Variants in ANXA4 observed in about 807,000 individuals in gnomAD.
ANXA4 encodes the protein annexin A4, also known as 35-beta calcimedin.
ANXA4 carries 39 observed loss-of-function variants against 49.8 expected under a neutral mutation model. That is an observed-to-expected ratio of 0.78 (90% CI 0.61 to 1.02). The LOEUF is 1.02. Among genes scored for constraint, ANXA4 ranks in the 50% least tolerant of loss-of-function variants. The probability of loss-of-function intolerance (pLI) is 0.00; values close to 1 mark genes in which losing one functional copy is unlikely to be tolerated. For missense variants in ANXA4, 360 were observed against 410.1 expected (o/e 0.88, Z 1.05); for synonymous variants, 134 against 152.5 (o/e 0.88, Z 0.89).
chr2:69,751,093 T>C (rs1410074163), intron 1 of ANXA4, among the ~76,000 whole-genome samples: 1 of 152,184 alleles, frequency 6.6e-6, no homozygotes, highest in Non-Finnish European at 1.5e-5. Flanking sequence ...TCATTGCCAA[T>C]GTAAATGAGG....
chr2:69,823,662 G>C (rs945053860), intron 12 of ANXA4, among the ~76,000 whole-genome samples: 2 of 152,112 alleles, frequency 1.3e-5, no homozygotes, highest in African/African-American at 4.8e-5. Flanking sequence ...TCACAGCAAA[G>C]ATTAAACTGT....
intron 2 of ANXA4, among the ~76,000 whole-genome samples, chr2:69,698,268 C>G (rs549581899): frequency 3.3e-5 from 5 of 152,352 alleles, no homozygotes; most frequent in African/African-American, 1.2e-4. Flanking sequence ...CTAATACCAT[C>G]ACCTTGAGGA....
chr2:69,712,226 A>G (rs1163390472), intron 2 of ANXA4, among the ~76,000 whole-genome samples: 1 of 152,072 alleles, frequency 6.6e-6, no homozygotes, highest in Non-Finnish European at 1.5e-5. Context: ...CCTCACACTA[A>G]AATAAAACAA....
chr2:69,825,670 C>T lies in ANXA4; in HGVS notation c.*155C>T, dbSNP rs1248475096. 3.6e-6 allele frequency: 2 copies of T among 551,312 alleles called. No individual in the cohort carries two copies. The highest frequency in any genetic ancestry group is 6.4e-6 in the Non-Finnish European group (2 of 313,540). The allele number at this position is 551,312 out of a possible 1,614,324, so 34.2% of individuals were successfully genotyped here. A position where few individuals can be genotyped will look rare whatever the true frequency, so the allele number is the denominator to read the frequency against. On this transcript the variant is annotated 3_prime_UTR_variant, in exon 13 of 13. Coordinates refer to ENST00000394295, the MANE Select transcript of ANXA4 (RefSeq NM_001153.5). ...AATATAGACTGTCTGTATTATTATT[C>T]ACCTATAATTAGTCATTATGATGCT...
intron 3 of ANXA4, 54 bp downstream of exon 3, chr2:69,788,195 C>A: frequency 6.6e-7 from 1 of 1,508,788 alleles, no homozygotes; most frequent in Non-Finnish European, 9.2e-7. Flanking sequence ...ATCACAGGGT[C>A]ACACAGGAGG....
rs1234782777 is a variant in ANXA4 at position 69,743,430 on chromosome 2, C to T, written c.-47+1255C>T. Among the ~76,000 whole-genome samples, 3 of 152,230 alleles carry T rather than the reference C, an allele frequency of 2.0e-5. No homozygotes were observed. In the East Asian group the frequency reaches 5.8e-4, roughly 29 times the overall value. On this transcript the variant is annotated intron_variant, in intron 1 of 12. Coordinates refer to ENST00000394295, the MANE Select transcript of ANXA4 (RefSeq NM_001153.5). ...ATGGGGTTTTAACATGTTGGTCAGG[C>T]TGGTCTTGAACTCCTGACCTCAGGT... is the stretch of plus-strand genomic sequence containing the variant.
At chr2:69,682,565 A>G (rs943142264) in intron 2 of ANXA4, among the ~76,000 whole-genome samples, 1 of 152,168 alleles carries the variant, frequency 6.6e-6, no homozygotes, top group Non-Finnish European at 1.5e-5. Flanking sequence ...ATAACTTCAC[A>G]TTCTTTATGT....
At chr2:69,759,705 C>T (rs1314584009) in intron 1 of ANXA4, among the ~76,000 whole-genome samples, 8 of 152,080 alleles carry the variant, frequency 5.3e-5, no homozygotes, top group Non-Finnish European at 1.2e-4. Flanking sequence ...ATGCATACTT[C>T]ATTGTTACTG....
intron 3 of ANXA4, among the ~76,000 whole-genome samples, chr2:69,732,632 C>A (rs1670136552): frequency 6.6e-6 from 1 of 152,042 alleles, no homozygotes; most frequent in African/African-American, 2.4e-5. Context: ...GTGGTGCATG[C>A]CTGTAATCCC....
At chr2:69,803,878 A>G (rs6759603) in intron 3 of ANXA4, among the ~76,000 whole-genome samples, 110,824 of 152,050 alleles carry the variant, frequency 0.73, 41,661 homozygotes, top group African/African-American at 0.91. Flanking sequence ...TGTCTCACAC[A>G]TGTAACCCCA....
chr2:69,669,046 C>T (rs918041887), intron 2 of ANXA4, among the ~76,000 whole-genome samples: 3 of 151,670 alleles, frequency 2.0e-5, no homozygotes, highest in African/African-American at 4.8e-5. Flanking sequence ...AAGTGATTCT[C>T]CTGCCTCAGC....
Position 69,667,237 on chromosome 2 carries a change from A to T in ANXA4, n.766+13955A>T, listed in dbSNP as rs530639613. ...TTTTTGAAGTGATACAAGTGTTCCAAAATTGATTGTGGTGATGGTTGCACA... is the reference window on the plus strand; with the variant it reads ...TTTTTGAAGTGATACAAGTGTTCCATAATTGATTGTGGTGATGGTTGCACA... On this transcript the variant is annotated intron_variant and non_coding_transcript_variant, in intron 2 of 3. Transcript: ENST00000418066. Among the ~76,000 whole-genome samples the T allele has an allele frequency of 3.7e-3, 570 of 152,232 alleles. 2 individuals are homozygous for T. The highest frequency in any genetic ancestry group is 0.013 in the African/African-American group (546 of 41,554).
At position 69,743,429 on chromosome 2, in the gene ANXA4, G is replaced by A. The variant is rs375266289; in HGVS notation, c.-47+1254G>A. ...GATGGGGTTTTAACATGTTGGTCAG[G>A]CTGGTCTTGAACTCCTGACCTCAGG... On this transcript the variant is annotated intron_variant, in intron 1 of 12. Coordinates refer to ENST00000394295, the MANE Select transcript of ANXA4 (RefSeq NM_001153.5). 2.6e-3 allele frequency among the ~76,000 whole-genome samples: 396 copies of A among 152,224 alleles called. 3 individuals carry two copies. Among genetic ancestry groups the A allele is most frequent in the African/African-American group, 9.4e-3 (391 of 41,538 alleles).
intron 1 of ANXA4, among the ~76,000 whole-genome samples, chr2:69,774,340 C>CTT (rs869296678): frequency 0.02 from 1,008 of 50,750 alleles, 53 homozygotes; most frequent in African/African-American, 0.059. Context: ...CCCCCCCCCC[C>CTT]TTTTTTTTTT....
chr2:69,718,743 A>G (rs1247687212), intron 2 of ANXA4, among the ~76,000 whole-genome samples: 1 of 149,816 alleles, frequency 6.7e-6, no homozygotes, highest in Non-Finnish European at 1.5e-5. Flanking sequence ...AAATGCACAC[A>G]CATACATGCA....
At chr2:69,705,456 CT>C (rs994527167) in intron 2 of ANXA4, among the ~76,000 whole-genome samples, 1 of 152,198 alleles carries the variant, frequency 6.6e-6, no homozygotes, top group African/African-American at 2.4e-5. Flanking sequence ...CACACCATCA[CT>C]TTGGGATGGC....
At chr2:69,796,803 A>G (rs1049359889) in intron 3 of ANXA4, among the ~76,000 whole-genome samples, 5 of 152,140 alleles carry the variant, frequency 3.3e-5, no homozygotes, top group Non-Finnish European at 5.9e-5. Flanking sequence ...GCTGCCCCCA[A>G]TGGCTCCTGC....
chr2:69,825,631 C>T lies in ANXA4; in HGVS notation c.*116C>T. On this transcript the variant is annotated 3_prime_UTR_variant, in exon 13 of 13. Coordinates refer to ENST00000394295, the MANE Select transcript of ANXA4 (RefSeq NM_001153.5). ...TGCTTATTTCCAATTAAAACGCCTA[C>T]AGCTGCCTCCTAGAATATAGACTGT... 1 of 699,686 alleles carries T rather than the reference C, an allele frequency of 1.4e-6. No homozygotes were observed. The highest frequency in any genetic ancestry group is 2.4e-6 in the Non-Finnish European group (1 of 415,674). The allele number at this position is 699,686 out of a possible 1,614,324, so 43.3% of individuals were successfully genotyped here.
chr2:69,823,268 C>T (rs2103905084), intron 12 of ANXA4, among the ~76,000 whole-genome samples: 1 of 150,460 alleles, frequency 6.6e-6, no homozygotes, highest in East Asian at 1.9e-4. Flanking sequence ...TGTGTGTATA[C>T]ACACACACAC....
Sources: allele counts gnomAD v4.1 joint callset (sites outside exome capture counted in the v4.1 genomes callset), GRCh38; gene constraint gnomAD v4.1.1; transcripts MANE v1.5; gene names NCBI Gene and HGNC (gene_info 2026-07-23, HGNC 2026-07-21).